LPCAT4: variants seen among roughly 807,000 people sequenced by gnomAD.
LPCAT4 encodes lysophospholipid acyltransferase LPCAT4.
LPCAT4 carries 30 observed loss-of-function variants against 66.5 expected under a neutral mutation model. The observed-to-expected ratio is 0.45, with a 90% CI of 0.34 to 0.61. The LOEUF is 0.61. Ranked by LOEUF, LPCAT4 falls within the 20% of genes least tolerant of loss-of-function variation. The pLI, the probability that LPCAT4 is intolerant of heterozygous loss-of-function variation, is 0.01. For missense variants in LPCAT4, 557 were observed against 656.7 expected (o/e 0.85, Z 1.66); for synonymous variants, 253 against 262.1 (o/e 0.97, Z 0.34).
Position 34,363,825 on chromosome 15 carries a change from G to T in LPCAT4, c.653-106C>A, listed in dbSNP as rs935011441. ...CTGGGACAGTTCTCAAATGAGATAT[G>T]GTTTTGTTCCACTCATTGATAATTT... On this transcript the variant is annotated intron_variant, in intron 5 of 13. Transcript: ENST00000314891. This position sits in a 1 kb window ranked among gnomAD's most constrained non-coding sequence, Gnocchi z 4.3. The T allele has an allele frequency of 7.8e-6, 11 of 1,416,914 alleles. No individual in the cohort carries two copies. The African/African-American group carries it at 1.6e-4, about 20-fold the overall frequency. 87.8% of individuals were successfully genotyped at this position (1,416,914 alleles called of 1,614,324 possible).
intron 1 of LPCAT4, chr15:34,366,772 C>T: frequency 3.4e-6 from 2 of 586,712 alleles, no homozygotes; most frequent in Non-Finnish European, 3.0e-6. Flanking sequence ...TTTTCCACAT[C>T]TTCGAGCTTG....
At chr15:34,364,830 TTC>T in intron 3 of LPCAT4, 176 bp downstream of exon 3, 1 of 606,280 alleles carries the variant, frequency 1.6e-6, no homozygotes, top group Non-Finnish European at 2.9e-6. Flanking sequence ...CTCCAACACC[TTC>T]TCTCTGTCCC....
At chr15:34,362,522 G>C in intron 9 of LPCAT4, 51 bp downstream of exon 9, 1 of 1,507,534 alleles carries the variant, frequency 6.6e-7, no homozygotes. Flanking sequence ...CGCCCCTGTG[G>C]TTCCTTTGCC....
chr15:34,364,210 C>T lies in LPCAT4; in HGVS notation c.575G>A (p.Gly192Glu). 4 of 1,613,070 alleles carry T rather than the reference C, an allele frequency of 2.5e-6. No individual in the cohort carries two copies. The highest frequency in any genetic ancestry group is 3.4e-6 in the Non-Finnish European group (4 of 1,179,010). The change falls in exon 4 of 14, where the codon GGA becomes GAA. Residue 192 changes from glycine to glutamate, a missense_variant. Gly to Glu is a moderately conservative substitution (Grantham distance 98, BLOSUM62 -2). Coordinates refer to ENST00000314891, the MANE Select transcript of LPCAT4 (RefSeq NM_153613.3). ...VEEVRRRATS[G>E]GKWPQVLFFP... Reference sequence around the variant, plus strand: ...CTTACCCACCTGCGGCCACTTGCCTCCTGAGGTGGCCCGCCTTCGGACCTC... The same window carrying T: ...CTTACCCACCTGCGGCCACTTGCCTTCTGAGGTGGCCCGCCTTCGGACCTC...
intron 7 of LPCAT4, 31 bp from the exon 8 acceptor site, chr15:34,362,867 A>G (rs373719310): frequency 3.1e-5 from 50 of 1,609,496 alleles, no homozygotes; most frequent in Middle Eastern, 1.7e-4. Context: ...ATACTCACCA[A>G]TCTCTAACTA....
chr15:34,362,815 T>C lies in LPCAT4; in HGVS notation c.768A>G (p.Thr256=). ...GPGVLKVLWL[T]ASQPCSIVDV... ...CCACAATGCTGCAGGGCTGAGAGGC[T>C]GTGAGCCAGAGGACTTTGAGTCTAA... Residue 256 remains threonine (T), a synonymous_variant, in exon 8 of 14, where the codon ACA becomes ACG. Coordinates refer to ENST00000314891, the MANE Select transcript of LPCAT4 (RefSeq NM_153613.3). 6.2e-7 allele frequency: 1 copy of C among 1,614,208 alleles called. No individual in the cohort carries two copies. Among genetic ancestry groups the C allele is most frequent in the Non-Finnish European group, 8.5e-7 (1 of 1,180,028 alleles).
Position 34,364,175 on chromosome 15 carries a change from T to C in LPCAT4, c.591+19A>G. 1 of 1,599,620 alleles carries C rather than the reference T, an allele frequency of 6.3e-7. No individual in the cohort carries two copies. Among genetic ancestry groups the C allele is most frequent in the Non-Finnish European group, 8.6e-7 (1 of 1,166,764 alleles). Reference sequence around the variant, plus strand: ...GAGCACATGGAAAGTGAGAAGATGGTCTTGAGACCCTTACCCACCTGCGGC... The same window carrying C: ...GAGCACATGGAAAGTGAGAAGATGGCCTTGAGACCCTTACCCACCTGCGGC... On this transcript the variant is annotated intron_variant, in intron 4 of 13. Transcript: ENST00000314891.
chr15:34,365,278 C>T (rs776987844), intron 2 of LPCAT4, 50 bp from the exon 3 acceptor site: 3 of 1,537,248 alleles, frequency 2.0e-6, no homozygotes. Flanking sequence ...CTAACCCTCA[C>T]CCGCCCCCAG....
chr15:34,366,992 C>G lies in LPCAT4; in HGVS notation c.109G>C (p.Val37Leu). Reference sequence around the variant, plus strand: ...GCCCGCTCCCCACACATTACCTTAACCCTCTGGAGGCGAGAGAGATGTAAC... The same window carrying G: ...GCCCGCTCCCCACACATTACCTTAAGCCTCTGGAGGCGAGAGAGATGTAAC... Reference protein sequence around the residue: ...HELHLSRLQRVKFCLLGALLA... With the variant: ...HELHLSRLQRLKFCLLGALLA... Residue 37 changes from valine (V) to leucine (L), a missense_variant, in exon 1 of 14, where the codon GTT becomes CTT. Val to Leu is a conservative substitution (Grantham distance 32). Around this residue, in one of 4 missense-constraint regions of LPCAT4, gnomAD observed 94 missense variants for 71.5 expected, o/e 1.32. Coordinates refer to ENST00000314891, the MANE Select transcript of LPCAT4 (RefSeq NM_153613.3). 2 of 1,562,654 alleles carry G rather than the reference C, an allele frequency of 1.3e-6. No homozygotes were observed. Among genetic ancestry groups the G allele is most frequent in the East Asian group, 2.3e-5 (1 of 42,714 alleles).
intron 10 of LPCAT4, among the ~76,000 whole-genome samples, chr15:34,361,882 A>G (rs1890953660): frequency 6.6e-6 from 1 of 152,082 alleles, no homozygotes; most frequent in Admixed American, 6.5e-5. Context: ...TATTTTTAGC[A>G]GAGATGGGGT....
rs1891053991 is a variant in LPCAT4, at chr15:34,365,437, T to C, written c.257+122A>G. On this transcript the variant is annotated intron_variant, in intron 2 of 13. Coordinates refer to ENST00000314891, the MANE Select transcript of LPCAT4 (RefSeq NM_153613.3). Reference sequence around the variant, plus strand: ...ACCACGTCTGAGCTTGGCTGACTCATCTCATCTACCCAAGCTAGACAGAAT... The same window carrying C: ...ACCACGTCTGAGCTTGGCTGACTCACCTCATCTACCCAAGCTAGACAGAAT... The C allele has an allele frequency of 5.7e-6, 8 of 1,399,204 alleles. No individual in the cohort carries two copies. In the African/African-American group the frequency reaches 7.1e-5, roughly 12 times the overall value. The allele number at this position is 1,399,204 out of a possible 1,614,324, so 86.7% of individuals were successfully genotyped here.
chr15:34,367,051 C>T lies in LPCAT4; in HGVS notation c.50G>A (p.Gly17Glu). ...GDWAPLDPTP[G>E]PPASPNPFVH... ...GAAGGGGTTGGGGGATGCTGGGGGT[C>T]CGGGGGTGGGATCTAGGGGGGCCCA... The change falls in exon 1 of 14, where the codon GGA (glycine) becomes GAA (glutamate). Residue 17 changes from glycine (G) to glutamate (E), a missense_variant. Around this residue, in one of 4 missense-constraint regions of LPCAT4, gnomAD observed 94 missense variants for 71.5 expected, o/e 1.32. Coordinates refer to ENST00000314891, the MANE Select transcript of LPCAT4 (RefSeq NM_153613.3). The T allele has an allele frequency of 1.1e-6, 1 of 910,288 alleles. No homozygotes were observed. The highest frequency in any genetic ancestry group is 1.7e-6 in the Non-Finnish European group (1 of 577,722). 56.4% of individuals were successfully genotyped at this position (910,288 alleles called of 1,614,324 possible).
intron 10 of LPCAT4, 59 bp downstream of exon 10, chr15:34,362,137 A>AC (rs1890959271): frequency 4.1e-6 from 3 of 740,698 alleles, no homozygotes; most frequent in Middle Eastern, 3.0e-4. Flanking sequence ...TCCCCTTCTT[A>AC]TTCTCTCTCT....
intron 11 of LPCAT4, among the ~76,000 whole-genome samples, chr15:34,360,728 C>A (rs953178715): frequency 1.3e-5 from 2 of 152,128 alleles, no homozygotes; most frequent in African/African-American, 4.8e-5. Context: ...GGGGACAGTC[C>A]GCCTCAATCT....
In LPCAT4 at chr15:34,363,983, C is replaced by A. The variant is rs759340195; in HGVS notation, c.652+30G>T. Reference sequence around the variant, plus strand: ...CCAAATCTGGAACTTCTTTTTCCTACAGCCCACCACCCACTATCATTTTAT... The same window carrying A: ...CCAAATCTGGAACTTCTTTTTCCTAAAGCCCACCACCCACTATCATTTTAT... On this transcript the variant is annotated intron_variant, in intron 5 of 13. Coordinates refer to ENST00000314891, the MANE Select transcript of LPCAT4 (RefSeq NM_153613.3). The surrounding 1 kb of genome is among the most constrained non-coding windows in gnomAD (Gnocchi z 4.3). 6.3e-7 allele frequency: 1 copy of A among 1,597,344 alleles called. No homozygotes were observed. Among genetic ancestry groups the A allele is most frequent in the Non-Finnish European group, 8.6e-7 (1 of 1,167,122 alleles).
At position 34,359,602 on chromosome 15, in the gene LPCAT4, T is replaced by C; in HGVS notation, c.1386A>G (p.Gln462=). The part of the protein sequence containing the change: ...HAELCQAGSS[Q]GLSLCQFQNF... ...GCAGTGACTCACAGAGGGAGAGGCC[T>C]TGGCTGGATCCTGCCTGGCACAGCT... The change falls in exon 13 of 14, where the codon CAA becomes CAG. Residue 462 remains glutamine (Q), a synonymous_variant. Transcript: ENST00000314891. The C allele has an allele frequency of 6.2e-7, 1 of 1,612,488 alleles. No individual in the cohort carries two copies. Among genetic ancestry groups the C allele is most frequent in the Admixed American group, 1.7e-5 (1 of 59,984 alleles).
At position 34,363,563 on chromosome 15, in the gene LPCAT4, C is replaced by T; in HGVS notation, c.711+98G>A. 1.3e-6 allele frequency: 2 copies of T among 1,594,340 alleles called. No homozygotes were observed. Among genetic ancestry groups the T allele is most frequent in the Non-Finnish European group, 1.7e-6 (2 of 1,162,592 alleles). ...TGATCCCACCTCTGGTCACAGCCCC[C>T]AATGCACATCCCATTAAAGCACCAA... is the stretch of plus-strand genomic sequence containing the variant. On this transcript the variant is annotated intron_variant, in intron 6 of 13. Coordinates refer to ENST00000314891, the MANE Select transcript of LPCAT4 (RefSeq NM_153613.3). This position sits in a 1 kb window ranked among gnomAD's most constrained non-coding sequence, Gnocchi z 4.3.
In LPCAT4 at chr15:34,359,064, G is replaced by T. The variant is rs913322007; in HGVS notation, c.*63C>A. 7.3e-7 allele frequency: 1 copy of T among 1,367,274 alleles called. No homozygotes were observed. The highest frequency in any genetic ancestry group is 1.0e-6 in the Non-Finnish European group (1 of 1,002,636). The allele number at this position is 1,367,274 out of a possible 1,614,324, so 84.7% of individuals were successfully genotyped here. On this transcript the variant is annotated 3_prime_UTR_variant, in exon 14 of 14. Coordinates refer to ENST00000314891, the MANE Select transcript of LPCAT4 (RefSeq NM_153613.3). ...AAATTCAAACAGGAGCAGAGATGGG[G>T]CTGAGGCATAGGGGAGGCCCCTAGC...
At chr15:34,360,090 A>T in intron 12 of LPCAT4, 21 bp downstream of exon 12, 8 of 935,962 alleles carry the variant, frequency 8.5e-6, no homozygotes, top group Non-Finnish European at 1.4e-5. Flanking sequence ...AGCACCCCCC[A>T]CCACCGCCAC....
Sources: gnomAD v4.1 joint callset for allele counts (sites outside exome capture counted in the v4.1 genomes callset) on GRCh38, gnomAD v4.1.1 for gene constraint, gnomAD v4.1.1 regional missense constraint, Gnocchi (gnomAD v3.1) non-coding constraint, MANE v1.5 for transcripts, NCBI Gene and HGNC (gene_info 2026-07-23, HGNC 2026-07-21) for gene names.